SIPA1L3: variants seen among roughly 807,000 people sequenced by gnomAD.
SIPA1L3 encodes the protein signal induced proliferation associated 1 like 3.
Under a neutral mutation model 150.1 loss-of-function variants are expected in SIPA1L3, and 59 were observed. The observed-to-expected ratio is 0.39, with a 90% CI of 0.32 to 0.49. The LOEUF is 0.49. SIPA1L3 is among the 20% of genes least tolerant of loss of function. The pLI is 0.86. For synonymous variants in SIPA1L3, 1,070 were observed against 1,077.6 expected, an observed-to-expected ratio of 0.99 and a Z score of 0.14; for missense variants, 2,211 against 2,489.5, an observed-to-expected ratio of 0.89 and a Z score of 2.38.
intron 13 of SIPA1L3, among the ~76,000 whole-genome samples, chr19:38,155,373 G>A (rs1056954411): frequency 2.1e-4 from 32 of 152,258 alleles, no homozygotes; most frequent in Admixed American, 1.3e-4. Context: ...ACCGCACCCG[G>A]CTGGCTTTGT....
intron 16 of SIPA1L3, among the ~76,000 whole-genome samples, chr19:38,190,142 A>G (rs1034599285): frequency 1.3e-5 from 2 of 151,608 alleles, no homozygotes; most frequent in Admixed American, 6.6e-5. Flanking sequence ...CATTTTATTC[A>G]TGCTTCCAGG....
At chr19:37,965,477 G>A (rs552597862) in intron 1 of SIPA1L3, among the ~76,000 whole-genome samples, 16 of 151,884 alleles carry the variant, frequency 1.1e-4, no homozygotes, top group African/African-American at 3.6e-4. Context: ...CACCATGCCC[G>A]GCTAATTTTT....
At chr19:37,964,458 A>G (rs1316829966) in intron 1 of SIPA1L3, among the ~76,000 whole-genome samples, 3 of 152,184 alleles carry the variant, frequency 2.0e-5, no homozygotes. Context: ...TATCACAGCT[A>G]AAGCATTTAA....
chr19:38,083,222 A>G (rs1970048685), intron 3 of SIPA1L3, 123 bp downstream of exon 3: 2 of 1,046,444 alleles, frequency 1.9e-6, no homozygotes. Flanking sequence ...GCGGGAACAG[A>G]GACCTCCCTT....
intron 15 of SIPA1L3, among the ~76,000 whole-genome samples, chr19:38,174,117 G>T (rs1002737509): frequency 2.6e-5 from 4 of 152,176 alleles, no homozygotes; most frequent in Admixed American, 2.6e-4. Context: ...AGGGAGCCAG[G>T]AGGAGGCCGC....
chr19:38,186,899 C>T (rs1340134213), intron 16 of SIPA1L3, among the ~76,000 whole-genome samples: 3 of 148,396 alleles, frequency 2.0e-5, no homozygotes, highest in Non-Finnish European at 3.0e-5. Context: ...TACAGCTACT[C>T]GGGAGGCTGA....
intron 1 of SIPA1L3, among the ~76,000 whole-genome samples, chr19:37,978,868 G>A (rs950319391): frequency 2.6e-5 from 4 of 151,938 alleles, no homozygotes; most frequent in Admixed American, 1.3e-4. Flanking sequence ...CCAGTCACTC[G>A]GGAGGCTGAG....
rs754702591 is a variant in SIPA1L3, at chr19:38,082,814, G to A, written c.1249G>A (p.Asp417Asn). The change falls in exon 3 of 22, where the codon GAT becomes AAT. Residue 417 changes from aspartate (D) to asparagine (N), a missense_variant. By Grantham distance (23) the Asp-to-Asn change is conservative. Transcript: ENST00000222345. ...CKENLEQDLG[D>N]DNSNDLLLSC... Reference sequence around the variant, plus strand: ...GGAGAACTTGGAGCAGGACCTCGGCGATGACAACAGCAACGACCTGCTGCT... The same window carrying A: ...GGAGAACTTGGAGCAGGACCTCGGCAATGACAACAGCAACGACCTGCTGCT... 2 of 1,613,662 alleles carry A rather than the reference G, an allele frequency of 1.2e-6. No homozygotes were observed. The highest frequency in any genetic ancestry group is 1.7e-6 in the Non-Finnish European group (2 of 1,179,926).
In SIPA1L3 at chr19:38,059,975, A is replaced by G. The variant is rs1969412425; in HGVS notation, c.-310-21281A>G. 2.6e-5 allele frequency among the ~76,000 whole-genome samples: 4 copies of G among 152,148 alleles called. No homozygotes were observed. In the South Asian group the frequency reaches 6.2e-4, roughly 24 times the overall value. ...CTTTTAGTAGAGACGAGGTTTTGCC[A>G]TGTTGGCCAGGCTGGTCTCGAACTT... On this transcript the variant is annotated intron_variant, in intron 2 of 21. Transcript: ENST00000222345.
rs546755840 is a variant in SIPA1L3, at chr19:38,124,602, C to T, written c.2868+4720C>T. Among the ~76,000 whole-genome samples, 126 of 152,200 alleles carry T rather than the reference C, an allele frequency of 8.3e-4. 3 individuals carry two copies. In the East Asian group the frequency reaches 0.018, roughly 21 times the overall value. On this transcript the variant is annotated intron_variant, in intron 9 of 21. Transcript: ENST00000222345. ...GCTCCTCACTTCCCAGACGGGGTGG[C>T]GGCCGGGCAGAGGCTGCACTCTTGG...
intron 5 of SIPA1L3, 21 bp downstream of exon 5, chr19:38,100,171 G>C (rs373159048): frequency 6.6e-7 from 1 of 1,523,302 alleles, no homozygotes; most frequent in Non-Finnish European, 8.8e-7. Context: ...GGCTGGAGGT[G>C]GGGGTGCTGC....
chr19:37,926,217 C>T (rs1312424049), intron 1 of SIPA1L3, among the ~76,000 whole-genome samples: 2 of 152,178 alleles, frequency 1.3e-5, no homozygotes, highest in Admixed American at 6.5e-5. Flanking sequence ...CCGATTCCTC[C>T]TGCATCTCAC....
intron 12 of SIPA1L3, among the ~76,000 whole-genome samples, chr19:38,152,202 G>A (rs530621036): frequency 1.3e-5 from 2 of 152,276 alleles, no homozygotes; most frequent in African/African-American, 4.8e-5. Flanking sequence ...CATCAGCCAG[G>A]TGTCCCAAGT....
intron 2 of SIPA1L3, among the ~76,000 whole-genome samples, chr19:38,067,811 G>A (rs975933959): frequency 2.0e-5 from 3 of 151,724 alleles, no homozygotes; most frequent in Non-Finnish European, 2.9e-5. Context: ...GCTCTTTGAC[G>A]TTAAATGTGG....
intron 2 of SIPA1L3, among the ~76,000 whole-genome samples, chr19:38,056,762 T>C (rs1417139380): frequency 6.6e-6 from 1 of 152,064 alleles, no homozygotes; most frequent in Non-Finnish European, 1.5e-5. Context: ...CTGAAAGTAA[T>C]ATGAAAAAAT....
At chr19:38,186,845 C>T (rs1568599728) in intron 16 of SIPA1L3, among the ~76,000 whole-genome samples, 1 of 150,012 alleles carries the variant, frequency 6.7e-6, no homozygotes, top group Non-Finnish European at 1.5e-5. Flanking sequence ...ACAAAATTAG[C>T]CAGGCGTGGT....
intron 2 of SIPA1L3, among the ~76,000 whole-genome samples, chr19:38,030,905 G>C (rs538737413): frequency 6.6e-6 from 1 of 152,164 alleles, no homozygotes; most frequent in South Asian, 2.1e-4. Flanking sequence ...GAGGTGGAAG[G>C]GGGAGGATTG....
chr19:37,990,725 C>T (rs746632352), intron 1 of SIPA1L3, among the ~76,000 whole-genome samples: 2 of 152,200 alleles, frequency 1.3e-5, no homozygotes, highest in African/African-American at 2.4e-5. Context: ...CTCAGAGGCC[C>T]AGCAGACATC....
chr19:38,153,213 C>T (rs1027803190), intron 13 of SIPA1L3, among the ~76,000 whole-genome samples: 5 of 152,200 alleles, frequency 3.3e-5, no homozygotes, highest in African/African-American at 7.2e-5. Flanking sequence ...AGGCCAGAGC[C>T]GGCGTGCAGC....
Sources: allele counts gnomAD v4.1 joint callset (sites outside exome capture counted in the v4.1 genomes callset), GRCh38; gene constraint gnomAD v4.1.1; transcripts MANE v1.5; gene names NCBI Gene and HGNC (gene_info 2026-07-23, HGNC 2026-07-21).